Variants in SYN2 observed in about 807,000 individuals in gnomAD.
SYN2 encodes the protein synapsin II, also known as synapsin-2.
Under a neutral mutation model 50.9 loss-of-function variants are expected in SYN2, and 19 were observed. The ratio of observed to expected loss-of-function variants is 0.37; its 90% CI spans 0.26 to 0.55. SYN2 has a LOEUF of 0.55. SYN2 is among the 20% of genes least tolerant of loss of function. The probability of loss-of-function intolerance (pLI) is 0.81; values close to 1 mark genes in which losing one functional copy is unlikely to be tolerated. For missense variants in SYN2, 587 were observed against 576.4 expected, an observed-to-expected ratio of 1.02 and a Z score of -0.19; for synonymous variants, 255 against 224.9, an observed-to-expected ratio of 1.13 and a Z score of -1.20.
chr3:12,111,180 G>A (rs1364644713), intron 1 of SYN2, among the ~76,000 whole-genome samples: 2 of 152,190 alleles, frequency 1.3e-5, no homozygotes, highest in Non-Finnish European at 2.9e-5. Flanking sequence ...TAGTGAATAA[G>A]TCTCATGAGA....
At chr3:12,013,894 T>A (rs1693967550) in intron 1 of SYN2, among the ~76,000 whole-genome samples, 1 of 152,224 alleles carries the variant, frequency 6.6e-6, no homozygotes, top group Non-Finnish European at 1.5e-5. Flanking sequence ...TGTTTGCACT[T>A]CCATACACAC....
intron 1 of SYN2, among the ~76,000 whole-genome samples, chr3:12,133,639 C>T (rs1265669258): frequency 6.6e-6 from 1 of 152,182 alleles, no homozygotes; most frequent in African/African-American, 2.4e-5. Context: ...ATTCTGAAGT[C>T]TAATTACTAC....
intron 1 of SYN2, among the ~76,000 whole-genome samples, chr3:12,092,073 A>T (rs1026079248): frequency 8.3e-4 from 126 of 152,078 alleles, no homozygotes; most frequent in African/African-American, 3.0e-3. Context: ...AAGAAAATTC[A>T]TTTTTTTAAA....
intron 1 of SYN2, among the ~76,000 whole-genome samples, chr3:12,131,733 G>GA (rs1274462024): frequency 6.6e-6 from 1 of 151,902 alleles, no homozygotes. Flanking sequence ...GAGATCTTCA[G>GA]AAAATCTATT....
chr3:12,123,043 A>G (rs557174722), intron 1 of SYN2, among the ~76,000 whole-genome samples: 3 of 152,352 alleles, frequency 2.0e-5, no homozygotes, highest in African/African-American at 4.8e-5. Context: ...AGCTGAAATT[A>G]CCCATGATGC....
At chr3:12,059,277 T>C (rs1466541846) in intron 1 of SYN2, among the ~76,000 whole-genome samples, 1 of 152,158 alleles carries the variant, frequency 6.6e-6, no homozygotes, top group African/African-American at 2.4e-5. Flanking sequence ...AATCAATACA[T>C]AGAGGTTACA....
At chr3:12,007,585 G>A (rs1037353878) in intron 1 of SYN2, among the ~76,000 whole-genome samples, 42 of 152,178 alleles carry the variant, frequency 2.8e-4, no homozygotes, top group Non-Finnish European at 5.1e-4. Context: ...GAGTGATATC[G>A]TATATGCCCT....
At chr3:12,017,344 C>T (rs1574888336) in intron 1 of SYN2, among the ~76,000 whole-genome samples, 2 of 152,178 alleles carry the variant, frequency 1.3e-5, no homozygotes, top group African/African-American at 4.8e-5. Context: ...AAGTAGATTA[C>T]TACTATTAAC....
chr3:12,093,840 A>C (rs1695876969), intron 1 of SYN2, among the ~76,000 whole-genome samples: 4 of 147,630 alleles, frequency 2.7e-5, no homozygotes, highest in Admixed American at 7.1e-5. Flanking sequence ...AAAGTCTTAT[A>C]AGAAGGCTCT....
intron 8 of SYN2, 139 bp downstream of exon 8, chr3:12,167,447 C>T (rs1406816753): frequency 1.3e-6 from 1 of 785,020 alleles, no homozygotes; most frequent in South Asian, 1.6e-5. Context: ...CCCAAGTAGC[C>T]CATTTAGCAA....
chr3:12,123,355 C>T (rs772448744), intron 1 of SYN2, among the ~76,000 whole-genome samples: 3 of 152,042 alleles, frequency 2.0e-5, no homozygotes, highest in Non-Finnish European at 2.9e-5. Flanking sequence ...AGATATCCTA[C>T]GAGGAATCAC....
At position 12,044,181 on chromosome 3, in the gene SYN2, T is replaced by TCACACA. The variant is rs1553610019; in HGVS notation, c.377+39290_377+39295dup. 4.1e-3 allele frequency among the ~76,000 whole-genome samples: 220 copies of TCACACA among 53,382 alleles called. 1 individual carries two copies. In the South Asian group the frequency reaches 0.05, roughly 12 times the overall value. The allele number at this position is 53,382 out of a possible 152,430, so 35.0% of individuals were successfully genotyped here. A position where few individuals can be genotyped will look rare whatever the true frequency, so the allele number is the denominator to read the frequency against. On this transcript the variant is annotated intron_variant, in intron 1 of 12. Coordinates refer to ENST00000621198, the MANE Select transcript of SYN2 (RefSeq NM_133625.6). ...AAAGTTCTCTCTCTCTCTCTCTCTC[T>TCACACA]CACACACACACACACACACACACAC...
chr3:12,067,308 TG>T (rs1366761786), intron 1 of SYN2, among the ~76,000 whole-genome samples: 7 of 152,156 alleles, frequency 4.6e-5, no homozygotes, highest in African/African-American at 1.7e-4. Context: ...AAAAAAGGGA[TG>T]TTTTTTCCCT....
intron 1 of SYN2, among the ~76,000 whole-genome samples, chr3:12,053,986 G>A (rs1188871857): frequency 6.6e-6 from 1 of 152,104 alleles, no homozygotes; most frequent in East Asian, 1.9e-4. Context: ...ATCCTTTACT[G>A]GGAGGTGCAA....
intron 3 of SYN2, among the ~76,000 whole-genome samples, chr3:12,144,063 G>C (rs929858768): frequency 6.6e-6 from 1 of 152,230 alleles, no homozygotes; most frequent in Non-Finnish European, 1.5e-5. Context: ...ATATGACTCT[G>C]CTGAGGCTTA....
chr3:12,125,426 T>G (rs1559429815), intron 1 of SYN2, among the ~76,000 whole-genome samples: 1 of 152,232 alleles, frequency 6.6e-6, no homozygotes. Flanking sequence ...TTTGCATTTC[T>G]CCAAGATTAT....
At position 12,184,720 on chromosome 3, in the gene SYN2, C is replaced by T. The variant is rs189348301; in HGVS notation, c.1369+1348C>T. Reference sequence around the variant, plus strand: ...TCCTCACCAGTTTGTTCTCTTCCCTCTGACAAGCAGCACCTGAGCAGATGC... The same window carrying T: ...TCCTCACCAGTTTGTTCTCTTCCCTTTGACAAGCAGCACCTGAGCAGATGC... On this transcript the variant is annotated intron_variant, in intron 11 of 12. Coordinates refer to ENST00000621198, the MANE Select transcript of SYN2 (RefSeq NM_133625.6). 388 of 985,910 alleles carry T rather than the reference C, an allele frequency of 3.9e-4. 2 individuals carry two copies. The African/African-American group carries it at 5.9e-3, about 15-fold the overall frequency. The allele number at this position is 985,910 out of a possible 1,614,324, so 61.1% of individuals were successfully genotyped here.
chr3:12,181,805 A>G (rs1368952757), intron 10 of SYN2, among the ~76,000 whole-genome samples: 3 of 151,742 alleles, frequency 2.0e-5, no homozygotes, highest in Non-Finnish European at 4.4e-5. Context: ...GGTGACTCAG[A>G]TACCAGGAGG....
Position 12,043,643 on chromosome 3 carries a change from A to G in SYN2, c.377+38715A>G, listed in dbSNP as rs193258620. Among the ~76,000 whole-genome samples the G allele has an allele frequency of 2.6e-5, 4 of 152,228 alleles. No individual in the cohort carries two copies. In the East Asian group the frequency reaches 5.8e-4, roughly 22 times the overall value. ...CTTCTGTTGATTGCCTGAGGAATTTATTATGTGGCCCTCAGAATGACTGGG... is the reference window on the plus strand; with the variant it reads ...CTTCTGTTGATTGCCTGAGGAATTTGTTATGTGGCCCTCAGAATGACTGGG... On this transcript the variant is annotated intron_variant, in intron 1 of 12. Transcript: ENST00000621198.
Sources: gnomAD v4.1 joint callset for allele counts (sites outside exome capture counted in the v4.1 genomes callset) on GRCh38, gnomAD v4.1.1 for gene constraint, MANE v1.5 for transcripts, NCBI Gene and HGNC (gene_info 2026-07-23, HGNC 2026-07-21) for gene names.